NSD1: variants seen among roughly 807,000 people sequenced by gnomAD.
NSD1 encodes nuclear receptor binding SET domain protein 1, also known as histone-lysine N-methyltransferase, H3 lysine-36 specific.
Under a neutral mutation model 242.7 loss-of-function variants are expected in NSD1, and 26 were observed. The ratio of observed to expected loss-of-function variants is 0.11; its 90% CI spans 0.08 to 0.15. The LOEUF (loss-of-function observed/expected upper bound fraction) is 0.15. Ranked by LOEUF, NSD1 falls within the 10% of genes least tolerant of loss-of-function variation. The pLI is 1.00. For missense variants in NSD1, 2,495 were observed against 3,272.8 expected (o/e 0.76, Z 5.80); for synonymous variants, 1,106 against 1,178.1 (o/e 0.94, Z 1.25).
At chr5:177,214,340 C>T (rs1763599734) in intron 5 of NSD1, among the ~76,000 whole-genome samples, 1 of 151,926 alleles carries the variant, frequency 6.6e-6, no homozygotes, top group South Asian at 2.1e-4. Context: ...AGAGCGAAAC[C>T]CCATTTCAAA....
chr5:177,185,361 G>A (rs1227987795), intron 2 of NSD1, among the ~76,000 whole-genome samples: 1 of 151,972 alleles, frequency 6.6e-6, no homozygotes, highest in Non-Finnish European at 1.5e-5. Context: ...CACTTGGGAG[G>A]CGGAGGCTGG....
At chr5:177,242,179 GTT>G (rs1205656814) in intron 8 of NSD1, among the ~76,000 whole-genome samples, 4 of 152,004 alleles carry the variant, frequency 2.6e-5, no homozygotes, top group African/African-American at 9.7e-5. Context: ...TCTGACTGTA[GTT>G]TGGGGAGCAT....
intron 2 of NSD1, among the ~76,000 whole-genome samples, chr5:177,141,106 T>G (rs1181571245): frequency 1.3e-5 from 2 of 152,034 alleles, no homozygotes; most frequent in Non-Finnish European, 1.5e-5. Context: ...CACTGCAACC[T>G]CTGCCTCCCA....
intron 2 of NSD1, among the ~76,000 whole-genome samples, chr5:177,141,735 A>T (rs1329593060): frequency 6.6e-6 from 1 of 152,096 alleles, no homozygotes; most frequent in Non-Finnish European, 1.5e-5. Context: ...CCACTCTATG[A>T]AACTCTCTTC....
chr5:177,280,087 G>A (rs1318463510), intron 17 of NSD1, among the ~76,000 whole-genome samples: 1 of 149,520 alleles, frequency 6.7e-6, no homozygotes, highest in Non-Finnish European at 1.5e-5. Context: ...TAGGCTCACT[G>A]CAAGCTCAGC....
In NSD1 at chr5:177,238,210, G is replaced by T; in HGVS notation, c.3922-27G>T. The stretch of plus-strand genomic sequence containing the variant: ...TAAATTACAACAATTTTGGCCTGTG[G>T]ACTCTATTTTTATTTTTTGTTCTTA... On this transcript the variant is annotated intron_variant, in intron 6 of 22. Coordinates refer to ENST00000439151, the MANE Select transcript of NSD1 (RefSeq NM_022455.5). The surrounding 1 kb of genome is among the most constrained non-coding windows in gnomAD (Gnocchi z 4.6). 6.2e-7 allele frequency: 1 copy of T among 1,613,846 alleles called. No homozygotes were observed. The highest frequency in any genetic ancestry group is 2.2e-5 in the East Asian group (1 of 44,880).
intron 5 of NSD1, among the ~76,000 whole-genome samples, chr5:177,222,063 G>A (rs777817092): frequency 4.6e-5 from 7 of 151,956 alleles, no homozygotes; most frequent in Non-Finnish European, 8.8e-5. Context: ...TGCCCACCTT[G>A]GCCTCCCAAA....
chr5:177,266,577 G>A (rs1361102829), intron 14 of NSD1: 3 of 674,610 alleles, frequency 4.4e-6, no homozygotes, highest in African/African-American at 3.7e-5. Flanking sequence ...TCACGACCTC[G>A]GCGGCCGCCA....
chr5:177,222,720 G>T (rs1191377143), intron 5 of NSD1, among the ~76,000 whole-genome samples: 1 of 152,034 alleles, frequency 6.6e-6, no homozygotes. Context: ...GTAATAAGAG[G>T]TCTTTATATA....
Position 177,210,834 on chromosome 5 carries a change from T to C in NSD1, c.2435T>C (p.Leu812Ser), listed in dbSNP as rs1562209004. The change falls in exon 5 of 23, where the codon TTG (leucine) becomes TCG (serine). Residue 812 changes from leucine (L) to serine (S), a missense_variant. This residue lies in a region of NSD1 where 515 missense variants were observed against 467.0 expected (regional missense o/e 1.10). Transcript: ENST00000439151. ...EPPVINEECS[L>S]KCCSSDTKGS... ...CCAGTTATAAATGAGGAGTGCAGTT[T>C]GAAATGCTGCTCTTCTGATACCAAA... is the stretch of plus-strand genomic sequence containing the variant. 3.1e-6 allele frequency: 5 copies of C among 1,614,254 alleles called. No individual in the cohort carries two copies. Among genetic ancestry groups the C allele is most frequent in the Non-Finnish European group, 3.4e-6 (4 of 1,180,044 alleles).
chr5:177,168,833 C>T (rs1468341886), intron 2 of NSD1, among the ~76,000 whole-genome samples: 5 of 152,108 alleles, frequency 3.3e-5, no homozygotes, highest in Non-Finnish European at 5.9e-5. Flanking sequence ...TTTTCTGCAT[C>T]CTGCTGGTTG....
intron 2 of NSD1, among the ~76,000 whole-genome samples, chr5:177,137,926 T>C (rs558641286): frequency 4.6e-5 from 7 of 151,794 alleles, no homozygotes; most frequent in Non-Finnish European, 7.4e-5. Flanking sequence ...TCTACAAAAA[T>C]TAGCCGGGCG....
At chr5:177,286,345 A>G (rs1446910789) in intron 20 of NSD1, among the ~76,000 whole-genome samples, 1 of 152,188 alleles carries the variant, frequency 6.6e-6, no homozygotes, top group Non-Finnish European at 1.5e-5. Flanking sequence ...ACATGATGAC[A>G]CCAAGGACAC....
At chr5:177,286,137 C>T (rs961973882) in intron 20 of NSD1, among the ~76,000 whole-genome samples, 4 of 152,204 alleles carry the variant, frequency 2.6e-5, no homozygotes, top group South Asian at 2.1e-4. Flanking sequence ...GCTAGAATTA[C>T]AGGCATGAGC....
At chr5:177,151,247 G>C (rs941351817) in intron 2 of NSD1, among the ~76,000 whole-genome samples, 6 of 152,124 alleles carry the variant, frequency 3.9e-5, no homozygotes, top group Non-Finnish European at 7.4e-5. Flanking sequence ...GTGATGGCGG[G>C]TGCCTGTAGT....
chr5:177,275,724 C>T (rs561696474), intron 17 of NSD1, among the ~76,000 whole-genome samples: 2 of 152,148 alleles, frequency 1.3e-5, no homozygotes, highest in African/African-American at 2.4e-5. Context: ...TGAGCCACTG[C>T]GCCCGGCCTC....
chr5:177,198,278 G>T (rs973838283), intron 3 of NSD1, among the ~76,000 whole-genome samples: 2 of 152,114 alleles, frequency 1.3e-5, no homozygotes, highest in African/African-American at 4.8e-5. Context: ...CTCCCGCCTT[G>T]GCCTCCCAAC....
chr5:177,166,295 C>T (rs1213176281), intron 2 of NSD1, among the ~76,000 whole-genome samples: 1 of 151,918 alleles, frequency 6.6e-6, no homozygotes, highest in Admixed American at 6.6e-5. Flanking sequence ...TGCCTATAAT[C>T]CTAGCACTTT....
rs530534653 is a variant in NSD1 at position 177,134,662 on chromosome 5, G to A, written c.-17-425G>A. 3.3e-5 allele frequency among the ~76,000 whole-genome samples: 5 copies of A among 151,848 alleles called. No individual in the cohort carries two copies. Among genetic ancestry groups the A allele is most frequent in the South Asian group, 2.1e-4 (1 of 4,810 alleles). ...CGCTGCGCCCTAGCGAGCCAGGAAG[G>A]GGGGGGTACCTTTTTGTGCAGGGTC... On this transcript the variant is annotated intron_variant, in intron 1 of 22. Transcript: ENST00000439151. The surrounding 1 kb of genome is among the most constrained non-coding windows in gnomAD (Gnocchi z 4.2).
Sources: gnomAD v4.1 joint callset for allele counts (sites outside exome capture counted in the v4.1 genomes callset) on GRCh38, gnomAD v4.1.1 for gene constraint, gnomAD v4.1.1 regional missense constraint, Gnocchi (gnomAD v3.1) non-coding constraint, MANE v1.5 for transcripts, NCBI Gene and HGNC (gene_info 2026-07-23, HGNC 2026-07-21) for gene names.